ZEB2: variants seen among roughly 807,000 people sequenced by gnomAD.
ZEB2 encodes zinc finger E-box binding homeobox 2.
In ZEB2, 6 loss-of-function variants were observed where a neutral mutation model predicts 99.9. That is an observed-to-expected ratio of 0.06 (90% CI 0.03 to 0.12). ZEB2 has a LOEUF of 0.12. ZEB2 is among the 10% of genes least tolerant of loss of function. The pLI is 1.00. For synonymous variants in ZEB2, 517 were observed against 542.5 expected (o/e 0.95, Z 0.65); for missense variants, 969 against 1,502.8 (o/e 0.64, Z 5.87).
chr2:144,489,370 C>T (rs569964217), intron 2 of ZEB2, among the ~76,000 whole-genome samples: 2 of 152,020 alleles, frequency 1.3e-5, no homozygotes, highest in African/African-American at 4.8e-5. Flanking sequence ...TTCCTCTGGC[C>T]TAATAAAACA....
At chr2:144,441,485 A>C (rs1703917445) in intron 2 of ZEB2, among the ~76,000 whole-genome samples, 1 of 150,252 alleles carries the variant, frequency 6.7e-6, no homozygotes, top group South Asian at 2.1e-4. Context: ...CTTCTTCCTC[A>C]TTTTACCTCA....
chr2:144,407,733 T>A (rs1161683326), intron 4 of ZEB2, among the ~76,000 whole-genome samples: 1 of 152,210 alleles, frequency 6.6e-6, no homozygotes, highest in African/African-American at 2.4e-5. Context: ...TCGTATCTAC[T>A]TGAGGGTTGT....
Position 144,389,407 on chromosome 2 carries a change from T to C in ZEB2, c.*44A>G, listed in dbSNP as rs759246452. The C allele has an allele frequency of 6.2e-7, 1 of 1,603,864 alleles. No homozygotes were observed. The highest frequency in any genetic ancestry group is 8.5e-7 in the Non-Finnish European group (1 of 1,170,814). On this transcript the variant is annotated 3_prime_UTR_variant, in exon 10 of 10. Transcript: ENST00000627532. The surrounding 1 kb of genome is among the most constrained non-coding windows in gnomAD (Gnocchi z 6.8). ...AGCAGTGTTTTCAAGCAGGTAACAA[T>C]ACTACTGGAAAAAAAAATAGGAAGC...
chr2:144,396,346 C>T (rs1214183750), intron 9 of ZEB2, 66 bp downstream of exon 9: 1 of 1,567,772 alleles, frequency 6.4e-7, no homozygotes, highest in East Asian at 2.2e-5. Flanking sequence ...CAAGTGTGCT[C>T]ATTAAATATT....
intron 4 of ZEB2, among the ~76,000 whole-genome samples, chr2:144,410,942 G>A (rs532154570): frequency 6.6e-6 from 1 of 150,778 alleles, no homozygotes; most frequent in African/African-American, 2.4e-5. Context: ...GCCTACTAGT[G>A]CCAGTGTTCT....
intron 2 of ZEB2, among the ~76,000 whole-genome samples, chr2:144,480,612 T>C (rs537381428): frequency 1.4e-4 from 22 of 152,222 alleles, no homozygotes; most frequent in African/African-American, 5.3e-4. Context: ...TATTACGCTA[T>C]AAGTGGCAGC....
intron 2 of ZEB2, 132 bp downstream of exon 2, chr2:144,517,146 A>C: frequency 1.0e-6 from 1 of 976,842 alleles, no homozygotes; most frequent in Non-Finnish European, 1.4e-6. Context: ...CCGGCCGCGG[A>C]GGGAGGCTCG....
chr2:144,460,142 T>C (rs1704172604), intron 2 of ZEB2, among the ~76,000 whole-genome samples: 1 of 152,162 alleles, frequency 6.6e-6, no homozygotes, highest in Non-Finnish European at 1.5e-5. Flanking sequence ...GTTTTTGTTG[T>C]GGTGCTGTGG....
intron 4 of ZEB2, among the ~76,000 whole-genome samples, chr2:144,416,959 A>T (rs1703547837): frequency 6.6e-6 from 1 of 152,256 alleles, no homozygotes; most frequent in African/African-American, 2.4e-5. Context: ...TATTATAATC[A>T]ATAATAATGG....
chr2:144,480,364 G>C (rs571452070), intron 2 of ZEB2, among the ~76,000 whole-genome samples: 1 of 152,054 alleles, frequency 6.6e-6, no homozygotes, highest in Non-Finnish European at 1.5e-5. Flanking sequence ...AAGCTACAGG[G>C]TACATCAATA....
At chr2:144,471,180 G>A (rs1372439567) in intron 2 of ZEB2, among the ~76,000 whole-genome samples, 1 of 152,126 alleles carries the variant, frequency 6.6e-6, no homozygotes, top group African/African-American at 2.4e-5. Context: ...AGAATATTTA[G>A]CGACAGGACA....
chr2:144,394,390 C>A (rs1470077517), intron 9 of ZEB2: 1 of 152,134 alleles, frequency 6.6e-6, no homozygotes, highest in Non-Finnish European at 1.5e-5. Context: ...GTTGTACACT[C>A]ACCGTGTAGT....
In ZEB2 at chr2:144,424,836, C is replaced by T; in HGVS notation, c.363G>A (p.Gly121=). The change falls in exon 4 of 10, where the codon GGG becomes GGA. Residue 121 remains glycine (G), a synonymous_variant. Transcript: ENST00000627532. The stretch of plus-strand genomic sequence containing the variant: ...TTGCGGTCTGGATCGTGGCTTCTGG[C>T]CCCATAGTGTCATAGTCTTCCTTCA... The part of the protein sequence containing the change: ...EEMKEDYDTM[G]PEATIQTAIN... 5.0e-6 allele frequency: 8 copies of T among 1,614,020 alleles called. No individual in the cohort carries two copies. The highest frequency in any genetic ancestry group is 6.8e-6 in the Non-Finnish European group (8 of 1,179,930).
chr2:144,497,111 G>A (rs941033270), intron 2 of ZEB2, among the ~76,000 whole-genome samples: 4 of 152,042 alleles, frequency 2.6e-5, no homozygotes, highest in South Asian at 2.1e-4. Context: ...TCAGCCCAGC[G>A]TGCTGTGCCC....
chr2:144,464,574 A>T (rs1056426731), intron 2 of ZEB2, among the ~76,000 whole-genome samples: 21 of 152,242 alleles, frequency 1.4e-4, no homozygotes, highest in Admixed American at 4.6e-4. Context: ...GGTTTTTTTT[A>T]ATTTGTTTTA....
At chr2:144,431,884 C>G (rs1295184977) in intron 2 of ZEB2, among the ~76,000 whole-genome samples, 1 of 150,570 alleles carries the variant, frequency 6.6e-6, no homozygotes, top group Non-Finnish European at 1.5e-5. Context: ...GCCTGGGAAG[C>G]TTTCAACCCA....
At chr2:144,483,430 C>A (rs540087732) in intron 2 of ZEB2, among the ~76,000 whole-genome samples, 1 of 152,284 alleles carries the variant, frequency 6.6e-6, no homozygotes, top group East Asian at 1.9e-4. Flanking sequence ...CCATGAGTCG[C>A]AAATGTTACC....
chr2:144,418,845 A>G (rs553706100), intron 4 of ZEB2, among the ~76,000 whole-genome samples: 2 of 151,956 alleles, frequency 1.3e-5, no homozygotes, highest in African/African-American at 2.4e-5. Context: ...GTGATGAGGG[A>G]AAAAAAACTA....
At chr2:144,449,687 C>G (rs1242118541) in intron 2 of ZEB2, 1 of 152,220 alleles carries the variant, frequency 6.6e-6, no homozygotes, top group Non-Finnish European at 1.5e-5. Flanking sequence ...AAAAGCTGGC[C>G]TTGCTTTGGA....
Sources: gnomAD v4.1 joint callset for allele counts (sites outside exome capture counted in the v4.1 genomes callset) on GRCh38, gnomAD v4.1.1 for gene constraint, Gnocchi (gnomAD v3.1) non-coding constraint, MANE v1.5 for transcripts, NCBI Gene and HGNC (gene_info 2026-07-23, HGNC 2026-07-21) for gene names.